Variants in CAMKK2 observed in about 807,000 individuals in gnomAD.
The protein encoded by CAMKK2 is calcium/calmodulin dependent protein kinase kinase 2, also known as calcium/calmodulin-dependent protein kinase kinase 2.
Under a neutral mutation model 67.2 loss-of-function variants are expected in CAMKK2, and 30 were observed. That is an observed-to-expected ratio of 0.45 (90% CI 0.33 to 0.61). The LOEUF is 0.61. Ranked by LOEUF, CAMKK2 falls within the 20% of genes least tolerant of loss-of-function variation. The pLI is 0.02. For synonymous variants in CAMKK2, 322 were observed against 326.2 expected (o/e 0.99, Z 0.14); for missense variants, 643 against 802.0 (o/e 0.80, Z 2.39).
rs1887987386 is a variant in CAMKK2, at chr12:121,239,389, G to T, written c.*1310C>A. 6.6e-6 allele frequency: 1 copy of T among 152,226 alleles called. No homozygotes were observed. The highest frequency in any genetic ancestry group is 1.5e-5 in the Non-Finnish European group (1 of 68,046). 9.4% of individuals were successfully genotyped at this position (152,226 alleles called of 1,614,324 possible). On this transcript the variant is annotated 3_prime_UTR_variant, in exon 17 of 17. Coordinates refer to ENST00000404169, the MANE Select transcript of CAMKK2 (RefSeq NM_001270485.2). ...CCCAATATCAGTTGGAAGTCAAAAA[G>T]ATGAACCCTTTCTTTCTGGACTTTT...
chr12:121,252,036 GCA>G (rs1890841676), intron 11 of CAMKK2, among the ~76,000 whole-genome samples: 1 of 152,290 alleles, frequency 6.6e-6, no homozygotes, highest in South Asian at 2.1e-4. Flanking sequence ...GGAGGAACGA[GCA>G]CAGTTATTGA....
In CAMKK2 at chr12:121,253,592, G is replaced by T; in HGVS notation, c.908-120C>A. On this transcript the variant is annotated intron_variant, in intron 9 of 16. Coordinates refer to ENST00000404169, the MANE Select transcript of CAMKK2 (RefSeq NM_001270485.2). The surrounding 1 kb of genome is among the most constrained non-coding windows in gnomAD (Gnocchi z 5.0). Reference sequence around the variant, plus strand: ...CCCCTCTGATGCCTTGTCTCCCACAGCCCCAGGCCTTTTCCAACCTTCCAC... The same window carrying T: ...CCCCTCTGATGCCTTGTCTCCCACATCCCCAGGCCTTTTCCAACCTTCCAC... 2.4e-6 allele frequency: 2 copies of T among 827,526 alleles called. No individual in the cohort carries two copies. The highest frequency in any genetic ancestry group is 4.0e-6 in the Non-Finnish European group (2 of 499,010). 51.3% of individuals were successfully genotyped at this position (827,526 alleles called of 1,614,324 possible).
At chr12:121,241,278 G>C (rs1888321145) in intron 16 of CAMKK2, among the ~76,000 whole-genome samples, 1 of 152,174 alleles carries the variant, frequency 6.6e-6, no homozygotes, top group Admixed American at 6.5e-5. Context: ...TGTGACGCTT[G>C]TCCTCAGTCA....
chr12:121,254,384 G>A (rs1214391125), intron 9 of CAMKK2, among the ~76,000 whole-genome samples: 1 of 152,090 alleles, frequency 6.6e-6, no homozygotes, highest in Non-Finnish European at 1.5e-5. Flanking sequence ...CTTGAACCCA[G>A]GAGGCAGAGG....
rs374425048 is a variant in CAMKK2, at chr12:121,274,183, A to G, written c.344T>C (p.Leu115Pro). 3.1e-6 allele frequency: 5 copies of G among 1,601,014 alleles called. No homozygotes were observed. In the African/African-American group the frequency reaches 4.0e-5, roughly 13 times the overall value. ...SQGGLAAGGS[L>P]DMNGRCICPS... ...GCAGATGCAGCGTCCGTTCATGTCCAGGCTGCCACCGGCTGCCAGCCCACC... is the reference window on the plus strand; with the variant it reads ...GCAGATGCAGCGTCCGTTCATGTCCGGGCTGCCACCGGCTGCCAGCCCACC... The change falls in exon 2 of 17, where the codon CTG becomes CCG. Residue 115 changes from leucine (L) to proline (P), a missense_variant. Physicochemically the swap from Leu to Pro is moderately conservative, Grantham distance 98. Transcript: ENST00000404169.
intron 7 of CAMKK2, among the ~76,000 whole-genome samples, chr12:121,257,394 C>G (rs183004480): frequency 1.3e-5 from 2 of 152,030 alleles, no homozygotes; most frequent in Admixed American, 1.3e-4. Flanking sequence ...CTACAGGCAC[C>G]TGCCACCACA....
Position 121,285,873 on chromosome 12 carries a change from G to A in CAMKK2, c.-60+10765C>T, listed in dbSNP as rs1018487482. Among the ~76,000 whole-genome samples the A allele has an allele frequency of 4.6e-5, 7 of 152,142 alleles. No individual in the cohort carries two copies. Among genetic ancestry groups the A allele is most frequent in the African/African-American group, 1.2e-4 (5 of 41,436 alleles). On this transcript the variant is annotated intron_variant, in intron 1 of 16. Transcript: ENST00000404169. This position sits in a 1 kb window ranked among gnomAD's most constrained non-coding sequence, Gnocchi z 4.1. ...TTGGGTCTTATTCTGTGATTTTGTG[G>A]AAGTGTTGAAAAGAAAGAATGTCCT...
At position 121,240,698 on chromosome 12, in the gene CAMKK2, G is replaced by A; in HGVS notation, c.*1C>T. 6.3e-7 allele frequency: 1 copy of A among 1,596,576 alleles called. No homozygotes were observed. The highest frequency in any genetic ancestry group is 8.5e-7 in the Non-Finnish European group (1 of 1,174,866). On this transcript the variant is annotated 3_prime_UTR_variant, in exon 17 of 17. Transcript: ENST00000404169. This position sits in a 1 kb window ranked among gnomAD's most constrained non-coding sequence, Gnocchi z 4.4. The stretch of plus-strand genomic sequence containing the variant: ...CATGCGAGGTCGAGCGATCCAGGCA[G>A]CTACTCGGGCTCCATGGCCTCCTCC...
Position 121,245,396 on chromosome 12 carries a change from C to A in CAMKK2, c.1453-156G>T, listed in dbSNP as rs1412037498. 1.3e-5 allele frequency among the ~76,000 whole-genome samples: 2 copies of A among 152,162 alleles called. No individual in the cohort carries two copies. The highest frequency in any genetic ancestry group is 2.1e-4 in the South Asian group (1 of 4,828). On this transcript the variant is annotated intron_variant, in intron 14 of 16. Transcript: ENST00000404169. This position sits in a 1 kb window ranked among gnomAD's most constrained non-coding sequence, Gnocchi z 5.8. ...TGAGAGAAACTGGGCAGCACCACCC[C>A]GCAACCAACCCCCGCCGAAAGAATC...
At chr12:121,256,407 C>T (rs912341927) in intron 7 of CAMKK2, among the ~76,000 whole-genome samples, 2 of 152,130 alleles carry the variant, frequency 1.3e-5, no homozygotes, top group East Asian at 1.9e-4. Context: ...ATGAAATTTA[C>T]GTAACATAAA....
At chr12:121,252,249 G>A (rs956089740) in intron 11 of CAMKK2, among the ~76,000 whole-genome samples, 3 of 152,186 alleles carry the variant, frequency 2.0e-5, no homozygotes, top group Non-Finnish European at 4.4e-5. Flanking sequence ...AGATCTAGGT[G>A]TAGAAATAAA....
At chr12:121,271,273 C>CAAAAAA (rs11332649) in intron 2 of CAMKK2, among the ~76,000 whole-genome samples, 3,102 of 112,480 alleles carry the variant, frequency 0.028, 109 homozygotes, top group African/African-American at 0.099. Context: ...AACTGTGTCT[C>CAAAAAA]AAAAAAAAAA....
chr12:121,278,376 C>T (rs757981250), intron 1 of CAMKK2, among the ~76,000 whole-genome samples: 1 of 152,212 alleles, frequency 6.6e-6, no homozygotes. Flanking sequence ...ATGAACCAAG[C>T]ACTCAGAATC....
At chr12:121,289,542 T>C (rs1566144978) in intron 1 of CAMKK2, among the ~76,000 whole-genome samples, 1 of 152,198 alleles carries the variant, frequency 6.6e-6, no homozygotes, top group Non-Finnish European at 1.5e-5. Flanking sequence ...TTCCATCCCA[T>C]AACCTGCCAG....
chr12:121,245,000 T>A lies in CAMKK2; in HGVS notation c.1553+140A>T, dbSNP rs2136151340. ...CAGGTTGGGGTGCTGACTGTCCCAG[T>A]GCACCAGGTGGGTTTCATCTGAGTC... On this transcript the variant is annotated intron_variant, in intron 15 of 16. Transcript: ENST00000404169. 3 of 634,214 alleles carry A rather than the reference T, an allele frequency of 4.7e-6. No homozygotes were observed. The East Asian group carries it at 8.3e-5, about 18-fold the overall frequency. The allele number at this position is 634,214 out of a possible 1,614,324, so 39.3% of individuals were successfully genotyped here. A position where few individuals can be genotyped will look rare whatever the true frequency, so the allele number is the denominator to read the frequency against.
intron 5 of CAMKK2, among the ~76,000 whole-genome samples, chr12:121,265,858 C>T (rs1003313426): frequency 6.6e-6 from 1 of 151,584 alleles, no homozygotes; most frequent in Non-Finnish European, 1.5e-5. Flanking sequence ...CTCTGTGACT[C>T]CGTCTCAAAA....
rs913438224 is a variant in CAMKK2 at position 121,285,310 on chromosome 12, C to T, written c.-59-10725G>A. On this transcript the variant is annotated intron_variant, in intron 1 of 16. Coordinates refer to ENST00000404169, the MANE Select transcript of CAMKK2 (RefSeq NM_001270485.2). The surrounding 1 kb of genome is among the most constrained non-coding windows in gnomAD (Gnocchi z 4.1). ...TTGAGGCCAGGAGTTCGAGACCAGC[C>T]TAGCCAACATGGTGAAACTCCACCT... 2.0e-5 allele frequency among the ~76,000 whole-genome samples: 3 copies of T among 152,202 alleles called. No individual in the cohort carries two copies. Among genetic ancestry groups the T allele is most frequent in the Non-Finnish European group, 2.9e-5 (2 of 68,040 alleles).
intron 14 of CAMKK2, among the ~76,000 whole-genome samples, chr12:121,246,086 G>A (rs1677137855): frequency 6.6e-6 from 1 of 152,240 alleles, no homozygotes; most frequent in East Asian, 1.9e-4. Flanking sequence ...CAGGGCTGGG[G>A]GGAGGTGAAT....
intron 1 of CAMKK2, among the ~76,000 whole-genome samples, chr12:121,284,164 G>A (rs1335309187): frequency 1.3e-5 from 2 of 152,254 alleles, no homozygotes; most frequent in East Asian, 3.9e-4. Context: ...TCAGTGCAAA[G>A]ACAGGTGCAC....
Sources: gnomAD v4.1 joint callset for allele counts (sites outside exome capture counted in the v4.1 genomes callset) on GRCh38, gnomAD v4.1.1 for gene constraint, Gnocchi (gnomAD v3.1) non-coding constraint, MANE v1.5 for transcripts, NCBI Gene and HGNC (gene_info 2026-07-23, HGNC 2026-07-21) for gene names.